The following TENT4B variants were observed in gnomAD, a reference collection of about 807,000 sequenced individuals.
TENT4B encodes the protein terminal nucleotidyltransferase 4B.
A neutral mutation model predicts 75.0 loss-of-function variants in TENT4B; 10 were observed. That is an observed-to-expected ratio of 0.13 (90% CI 0.08 to 0.23). The LOEUF is 0.23. Ranked by LOEUF, TENT4B falls within the 10% of genes least tolerant of loss-of-function variation. The pLI is 1.00. For synonymous variants in TENT4B, 350 were observed against 357.7 expected (o/e 0.98, Z 0.24); for missense variants, 579 against 893.8 (o/e 0.65, Z 4.49).
At chr16:50,167,232 A>G (rs2038118254) in intron 1 of TENT4B, among the ~76,000 whole-genome samples, 1 of 152,180 alleles carries the variant, frequency 6.6e-6, no homozygotes, top group Non-Finnish European at 1.5e-5. Context: ...AGAATTACCA[A>G]AACATCTCAT....
intron 1 of TENT4B, among the ~76,000 whole-genome samples, chr16:50,158,543 A>G (rs1451065667): frequency 6.6e-6 from 1 of 152,118 alleles, no homozygotes; most frequent in Non-Finnish European, 1.5e-5. Flanking sequence ...GTTTATCACT[A>G]TGGAGAAAGA....
At chr16:50,194,243 T>G (rs1405826118) in intron 1 of TENT4B, among the ~76,000 whole-genome samples, 1 of 144,244 alleles carries the variant, frequency 6.9e-6, no homozygotes, top group African/African-American at 2.5e-5. Context: ...TGAGACGGAG[T>G]CTTGCTCTGT....
intron 1 of TENT4B, among the ~76,000 whole-genome samples, chr16:50,168,467 A>ATTTT (rs61664898): frequency 3.8e-4 from 47 of 123,348 alleles, no homozygotes; most frequent in African/African-American, 1.2e-3. Flanking sequence ...CACCCAGCTA[A>ATTTT]TTTTTTTTTT....
At chr16:50,161,350 A>G (rs574068050) in intron 1 of TENT4B, among the ~76,000 whole-genome samples, 64 of 152,304 alleles carry the variant, frequency 4.2e-4, no homozygotes, top group African/African-American at 1.5e-3. Flanking sequence ...TGAGCCATTT[A>G]TGTTGTGTAC....
intron 3 of TENT4B, among the ~76,000 whole-genome samples, chr16:50,214,783 T>G (rs952703745): frequency 1.3e-5 from 2 of 152,240 alleles, no homozygotes; most frequent in African/African-American, 4.8e-5. Context: ...AGGGATCATG[T>G]TGCAATGGAA....
chr16:50,153,006 G>A (rs1292863401), upstream of TENT4B: 9 of 1,517,914 alleles, frequency 5.9e-6, 1 homozygote, highest in South Asian at 1.1e-4. Flanking sequence ...GAAGCCGCGC[G>A]CGCCTCAGAA....
At chr16:50,176,514 T>TTG (rs1170124296) in intron 1 of TENT4B, among the ~76,000 whole-genome samples, 2 of 131,304 alleles carry the variant, frequency 1.5e-5, no homozygotes, top group Non-Finnish European at 3.2e-5. Flanking sequence ...TTTTTTTTTT[T>TTG]TTTTTTTTTT....
intron 1 of TENT4B, among the ~76,000 whole-genome samples, chr16:50,186,913 T>TTATTTAA (rs1278206107): frequency 6.6e-6 from 1 of 151,974 alleles, no homozygotes; most frequent in African/African-American, 2.4e-5. Flanking sequence ...TTATTTTTCT[T>TTATTTAA]TTTTTAATTT....
chr16:50,154,727 C>G (rs574172045), intron 1 of TENT4B, among the ~76,000 whole-genome samples: 32 of 152,220 alleles, frequency 2.1e-4, no homozygotes, highest in African/African-American at 7.2e-4. Flanking sequence ...GTGCAGGACC[C>G]GGAGGTGCTT....
intron 2 of TENT4B, among the ~76,000 whole-genome samples, chr16:50,213,665 T>C (rs1449874531): frequency 1.3e-5 from 2 of 152,252 alleles, no homozygotes; most frequent in Non-Finnish European, 2.9e-5. Flanking sequence ...TGGCTTTCTG[T>C]ATCCACAGGT....
chr16:50,196,928 C>T (rs1380316018), intron 1 of TENT4B, among the ~76,000 whole-genome samples: 1 of 150,724 alleles, frequency 6.6e-6, no homozygotes, highest in Non-Finnish European at 1.5e-5. Context: ...AGAACGAAAC[C>T]CTGTCTCAAA....
Position 50,233,782 on chromosome 16 carries a change from A to G in TENT4B, c.*4454A>G. 1.0e-6 allele frequency: 1 copy of G among 985,398 alleles called. No homozygotes were observed. The highest frequency in any genetic ancestry group is 1.2e-6 in the Non-Finnish European group (1 of 829,936). The allele number at this position is 985,398 out of a possible 1,614,324, so 61.0% of individuals were successfully genotyped here. On this transcript the variant is annotated 3_prime_UTR_variant, in exon 12 of 12. Coordinates refer to ENST00000561678, the MANE Select transcript of TENT4B (RefSeq NM_001365324.3). ...TCTGTAGCCTAGTAGCCTGAAAGAA[A>G]AGGAGACAGAACCAGAGAGATGGAT... is the stretch of plus-strand genomic sequence containing the variant.
rs565723561 is a variant in TENT4B, at chr16:50,197,520, C to T, written c.639-13803C>T. On this transcript the variant is annotated intron_variant, in intron 1 of 11. Transcript: ENST00000561678. ...CCCAGTCTGGTCTTGAACTCCTGGG[C>T]TCAAGCAATCTGCCTGCCTGGGCCT... is the stretch of plus-strand genomic sequence containing the variant. Among the ~76,000 whole-genome samples the T allele has an allele frequency of 2.7e-4, 41 of 152,302 alleles. No individual in the cohort carries two copies. The East Asian group carries it at 7.3e-3, about 27-fold the overall frequency.
intron 1 of TENT4B, among the ~76,000 whole-genome samples, chr16:50,190,077 A>G (rs2038610205): frequency 1.7e-5 from 1 of 58,782 alleles, no homozygotes; most frequent in Admixed American, 2.0e-4. Flanking sequence ...CTCTGTTTCA[A>G]AAAAAAAAAA....
chr16:50,220,321 G>T (rs1182380578), intron 5 of TENT4B, among the ~76,000 whole-genome samples: 1 of 151,434 alleles, frequency 6.6e-6, no homozygotes, highest in Non-Finnish European at 1.5e-5. Flanking sequence ...TAGAGATGAG[G>T]TCTTGCTATG....
chr16:50,229,135 G>C lies in TENT4B; in HGVS notation c.1966-17G>C. 6 of 1,610,470 alleles carry C rather than the reference G, an allele frequency of 3.7e-6. No homozygotes were observed. Among genetic ancestry groups the C allele is most frequent in the Non-Finnish European group, 5.1e-6 (6 of 1,178,864 alleles). On this transcript the variant is annotated splice_polypyrimidine_tract_variant and intron_variant, in intron 11 of 11. Transcript: ENST00000561678. ...CTGCAATACTGATGTCTTTGTGGTC[G>C]TTTTCTGTTTCTGCAGCATGGATCA...
At chr16:50,158,196 C>T (rs750230207) in intron 1 of TENT4B, among the ~76,000 whole-genome samples, 2 of 152,226 alleles carry the variant, frequency 1.3e-5, no homozygotes, top group Non-Finnish European at 2.9e-5. Flanking sequence ...GAGCAATTCT[C>T]CTGCCTCAGC....
At position 50,230,138 on chromosome 16, in the gene TENT4B, C is replaced by T. The variant is rs116290021; in HGVS notation, c.*810C>T. On this transcript the variant is annotated 3_prime_UTR_variant, in exon 12 of 12. Transcript: ENST00000561678. ...TATTTTGTAAAAAAAAAAAAATGTA[C>T]TATGTACTTTTGTGTAAACACTGAA... 4,407 of 978,934 alleles carry T rather than the reference C, an allele frequency of 4.5e-3. 145 individuals carry two copies. In the African/African-American group the frequency reaches 0.072, roughly 16 times the overall value. The allele number at this position is 978,934 out of a possible 1,614,324, so 60.6% of individuals were successfully genotyped here.
At chr16:50,164,738 T>TA (rs954298615) in intron 1 of TENT4B, among the ~76,000 whole-genome samples, 13 of 150,862 alleles carry the variant, frequency 8.6e-5, no homozygotes, top group African/African-American at 1.9e-4. Context: ...TTTTTTGACT[T>TA]AAAAAAAAAG....
Sources: gnomAD v4.1 joint callset for allele counts (sites outside exome capture counted in the v4.1 genomes callset) on GRCh38, gnomAD v4.1.1 for gene constraint, MANE v1.5 for transcripts, NCBI Gene and HGNC (gene_info 2026-07-23, HGNC 2026-07-21) for gene names.